The following CNTNAP5 variants were observed in gnomAD, a reference collection of about 807,000 sequenced individuals.
CNTNAP5 encodes contactin associated protein family member 5, also known as contactin-associated protein-like 5.
CNTNAP5 carries 72 observed loss-of-function variants against 150.2 expected under a neutral mutation model. The observed-to-expected ratio is 0.48, with a 90% CI of 0.40 to 0.58. The LOEUF is 0.58. CNTNAP5 is among the 20% of genes least tolerant of loss of function. CNTNAP5 has a pLI of 0.00. For missense variants in CNTNAP5, 1,636 were observed against 1,626.2 expected (o/e 1.01, Z -0.10); for synonymous variants, 672 against 619.8 (o/e 1.08, Z -1.25).
chr2:124,370,239 A>G (rs896536752), intron 3 of CNTNAP5, among the ~76,000 whole-genome samples: 1 of 152,188 alleles, frequency 6.6e-6, no homozygotes, highest in Non-Finnish European at 1.5e-5. Flanking sequence ...CAGAGACCAC[A>G]TCTAGACCCT....
chr2:124,600,056 G>T (rs1459008250), intron 11 of CNTNAP5, among the ~76,000 whole-genome samples: 1 of 152,054 alleles, frequency 6.6e-6, no homozygotes, highest in African/African-American at 2.4e-5. Context: ...GTTCCATAAT[G>T]TGTTAGGCAA....
intron 11 of CNTNAP5, among the ~76,000 whole-genome samples, chr2:124,571,527 CTTTTTTTTTT>C (rs1214169811): frequency 6.4e-5 from 3 of 46,850 alleles, no homozygotes; most frequent in Admixed American, 6.5e-4. Context: ...TTTCTTTTTT[CTTTTTTTTTT>C]TTTTTTTTTT....
intron 16 of CNTNAP5, among the ~76,000 whole-genome samples, chr2:124,765,675 T>A (rs1246190515): frequency 6.6e-6 from 1 of 152,004 alleles, no homozygotes. Flanking sequence ...AGAACTTAAG[T>A]CAAGGCGCAG....
intron 1 of CNTNAP5, among the ~76,000 whole-genome samples, chr2:124,037,102 T>C (rs1412851238): frequency 6.6e-6 from 1 of 152,192 alleles, no homozygotes; most frequent in Non-Finnish European, 1.5e-5. Context: ...TCCTTCCCCA[T>C]ATCTAGAAGT....
At chr2:124,569,447 G>C (rs1056133454) in intron 11 of CNTNAP5, among the ~76,000 whole-genome samples, 1 of 150,760 alleles carries the variant, frequency 6.6e-6, no homozygotes, top group Non-Finnish European at 1.5e-5. Context: ...TGTATTATAG[G>C]AATAAGATTG....
At chr2:124,461,482 A>T (rs568007511) in intron 6 of CNTNAP5, among the ~76,000 whole-genome samples, 320 of 140,344 alleles carry the variant, frequency 2.3e-3, no homozygotes, top group African/African-American at 8.2e-3. Context: ...AACAATGAGA[A>T]CACACGAACA....
At chr2:124,889,926 A>T (rs987268057) in intron 21 of CNTNAP5, among the ~76,000 whole-genome samples, 1 of 152,102 alleles carries the variant, frequency 6.6e-6, no homozygotes, top group Non-Finnish European at 1.5e-5. Context: ...TTTTAGAAGA[A>T]TTACTGAGTT....
At chr2:124,101,714 A>G (rs1470283177) in intron 1 of CNTNAP5, among the ~76,000 whole-genome samples, 2 of 152,196 alleles carry the variant, frequency 1.3e-5, no homozygotes, top group Non-Finnish European at 2.9e-5. Flanking sequence ...TTCAGCCCCA[A>G]TCAGCACATG....
At chr2:124,515,887 G>T (rs1206451181) in intron 8 of CNTNAP5, among the ~76,000 whole-genome samples, 1 of 152,218 alleles carries the variant, frequency 6.6e-6, no homozygotes, top group African/African-American at 2.4e-5. Flanking sequence ...ACTAAGCAGT[G>T]TGATTTTCAT....
chr2:124,362,802 T>C (rs572195937), intron 3 of CNTNAP5, among the ~76,000 whole-genome samples: 17 of 152,340 alleles, frequency 1.1e-4, no homozygotes, highest in Middle Eastern at 3.4e-3. Flanking sequence ...TGCTTAACAA[T>C]GGATTTTACG....
intron 12 of CNTNAP5, among the ~76,000 whole-genome samples, chr2:124,625,987 A>G (rs181207250): frequency 1.2e-4 from 19 of 152,302 alleles, no homozygotes; most frequent in African/African-American, 3.8e-4. Context: ...ATGATCACTT[A>G]TTCTTACCTC....
intron 13 of CNTNAP5, among the ~76,000 whole-genome samples, chr2:124,691,891 G>A (rs552480462): frequency 3.9e-5 from 6 of 152,034 alleles, no homozygotes; most frequent in Admixed American, 6.6e-5. Context: ...AGACAAAATC[G>A]TTTTCCTTCC....
intron 7 of CNTNAP5, among the ~76,000 whole-genome samples, chr2:124,501,699 C>T (rs1422584770): frequency 1.1e-4 from 16 of 152,104 alleles, no homozygotes; most frequent in Admixed American, 1.0e-3. Flanking sequence ...CACTGATGGC[C>T]CTCAACACTG....
intron 19 of CNTNAP5, among the ~76,000 whole-genome samples, chr2:124,827,980 A>T (rs1213116375): frequency 1.3e-5 from 2 of 152,042 alleles, no homozygotes; most frequent in Non-Finnish European, 2.9e-5. Flanking sequence ...ATTGTTTCCA[A>T]TTCAGCTCCA....
intron 23 of CNTNAP5, 135 bp downstream of exon 23, chr2:124,911,673 T>C: frequency 1.4e-6 from 1 of 696,032 alleles, no homozygotes; most frequent in Non-Finnish European, 2.5e-6. Flanking sequence ...ACTGTGGGCT[T>C]TTCATGAGTA....
chr2:124,624,386 T>C (rs1329673279), intron 12 of CNTNAP5, among the ~76,000 whole-genome samples: 2 of 152,256 alleles, frequency 1.3e-5, no homozygotes, highest in African/African-American at 4.8e-5. Flanking sequence ...CATTCATTCA[T>C]CCATCCCTCC....
intron 1 of CNTNAP5, among the ~76,000 whole-genome samples, chr2:124,174,828 T>C (rs1685022337): frequency 6.6e-6 from 1 of 152,168 alleles, no homozygotes; most frequent in African/African-American, 2.4e-5. Context: ...GAAGAGTCAA[T>C]CCATGTGGCA....
intron 3 of CNTNAP5, among the ~76,000 whole-genome samples, chr2:124,353,600 C>T (rs1019309275): frequency 6.6e-6 from 1 of 152,138 alleles, no homozygotes; most frequent in Non-Finnish European, 1.5e-5. Flanking sequence ...GTATTATCCT[C>T]TCTCCGTGCA....
intron 13 of CNTNAP5, among the ~76,000 whole-genome samples, chr2:124,733,534 C>T (rs1333574277): frequency 6.6e-6 from 1 of 151,120 alleles, no homozygotes; most frequent in African/African-American, 2.4e-5. Flanking sequence ...TCAAACTAAA[C>T]GAACAAGATT....
Sources: allele counts gnomAD v4.1 joint callset (sites outside exome capture counted in the v4.1 genomes callset), GRCh38; gene constraint gnomAD v4.1.1; transcripts MANE v1.5; gene names NCBI Gene and HGNC (gene_info 2026-07-23, HGNC 2026-07-21).